LRP1B: variants seen among roughly 807,000 people sequenced by gnomAD.
LRP1B encodes the protein low-density lipoprotein receptor-related protein 1B.
A neutral mutation model predicts 556.6 loss-of-function variants in LRP1B; 217 were observed. The observed-to-expected ratio is 0.39, with a 90% CI of 0.35 to 0.44. LRP1B has a LOEUF of 0.44. LRP1B is among the 20% of genes least tolerant of loss of function. LRP1B has a pLI of 1.00. For synonymous variants in LRP1B, 2,047 were observed against 1,865.8 expected (o/e 1.10, Z -2.50); for missense variants, 5,053 against 5,620.8 (o/e 0.90, Z 3.23).
intron 47 of LRP1B, 69 bp downstream of exon 47, chr2:140,533,952 C>T (rs533941581): frequency 4.5e-6 from 7 of 1,566,188 alleles, no homozygotes; most frequent in East Asian, 2.3e-5. Context: ...CTCTCAGAAA[C>T]GAATGTTGGA....
In LRP1B at chr2:140,532,938, A is replaced by ATCTATATCTATATCTATATCTATATC. The variant is rs1558948713; in HGVS notation, c.7762+1082_7762+1083insGATATAGATATAGATATAGATATAGA. On this transcript the variant is annotated intron_variant, in intron 47 of 90. Transcript: ENST00000389484. ...TGCAATCACAGCACAAGATATATAT[A>ATCTATATCTATATCTATATCTATATC]TATATATATACACATATATATCTCG... is the stretch of plus-strand genomic sequence containing the variant. 2.3e-4 allele frequency among the ~76,000 whole-genome samples: 26 copies of ATCTATATCTATATCTATATCTATATC among 113,778 alleles called. 1 individual carries two copies. Among genetic ancestry groups the ATCTATATCTATATCTATATCTATATC allele is most frequent in the Non-Finnish European group, 3.6e-4 (18 of 50,180 alleles). The allele number at this position is 113,778 out of a possible 152,430, so 74.6% of individuals were successfully genotyped here.
At chr2:140,449,184 T>A (rs1030571136) in intron 63 of LRP1B, among the ~76,000 whole-genome samples, 1 of 152,120 alleles carries the variant, frequency 6.6e-6, no homozygotes, top group Non-Finnish European at 1.5e-5. Flanking sequence ...ACAAGAAAGA[T>A]CATCTTCTTA....
intron 35 of LRP1B, 78 bp from the exon 36 acceptor site, chr2:140,716,894 C>T: frequency 4.3e-6 from 3 of 694,668 alleles, no homozygotes; most frequent in Non-Finnish European, 6.7e-6. Context: ...GATCATATTG[C>T]AACAGTATCT....
At chr2:141,656,249 C>T (rs562216404) in intron 2 of LRP1B, among the ~76,000 whole-genome samples, 6 of 152,216 alleles carry the variant, frequency 3.9e-5, no homozygotes, top group Non-Finnish European at 7.4e-5. Flanking sequence ...TACAATAATG[C>T]CACTCAGATA....
chr2:141,094,667 T>C (rs893734825), intron 7 of LRP1B, among the ~76,000 whole-genome samples: 1 of 152,200 alleles, frequency 6.6e-6, no homozygotes, highest in Admixed American at 6.5e-5. Flanking sequence ...ATTGCTAAAT[T>C]ATGCATCACA....
intron 66 of LRP1B, among the ~76,000 whole-genome samples, chr2:140,436,421 C>T (rs1471044161): frequency 2.6e-5 from 4 of 151,994 alleles, no homozygotes; most frequent in Non-Finnish European, 5.9e-5. Context: ...CAACAGACAC[C>T]AGTCACACAT....
intron 31 of LRP1B, among the ~76,000 whole-genome samples, chr2:140,818,936 CAAAAAAAAA>C (rs543167243): frequency 1.7e-4 from 17 of 102,900 alleles, no homozygotes; most frequent in African/African-American, 5.6e-4. Context: ...GACTCTGTCT[CAAAAAAAAA>C]AAAAAAAAAA....
chr2:141,255,959 A>G (rs1467091093), intron 3 of LRP1B, among the ~76,000 whole-genome samples: 4 of 152,000 alleles, frequency 2.6e-5, no homozygotes, highest in African/African-American at 9.7e-5. Context: ...TATTGAGCAC[A>G]TAGTCAATGC....
At chr2:141,546,588 A>G (rs981592945) in intron 2 of LRP1B, among the ~76,000 whole-genome samples, 1 of 152,176 alleles carries the variant, frequency 6.6e-6, no homozygotes, top group Non-Finnish European at 1.5e-5. Context: ...CTAAACACGT[A>G]TTGAGTACCA....
At chr2:141,696,111 T>G (rs949042748) in intron 2 of LRP1B, among the ~76,000 whole-genome samples, 2 of 151,976 alleles carry the variant, frequency 1.3e-5, no homozygotes, top group African/African-American at 2.4e-5. Flanking sequence ...TGCAAGAGTG[T>G]TCTAGATACA....
intron 1 of LRP1B, among the ~76,000 whole-genome samples, chr2:142,015,736 G>A (rs1383064448): frequency 6.6e-6 from 1 of 152,020 alleles, no homozygotes; most frequent in Non-Finnish European, 1.5e-5. Context: ...GCTCACGTCT[G>A]TAATCCCAGC....
intron 2 of LRP1B, among the ~76,000 whole-genome samples, chr2:141,641,415 T>A (rs1013088782): frequency 6.6e-6 from 1 of 152,202 alleles, no homozygotes; most frequent in Non-Finnish European, 1.5e-5. Context: ...TTAAAAAAAA[T>A]TAAACACTAT....
intron 12 of LRP1B, 21 bp from the exon 13 acceptor site, chr2:141,015,936 CA>C: frequency 6.4e-7 from 1 of 1,567,978 alleles, no homozygotes; most frequent in Non-Finnish European, 8.8e-7. Context: ...AAAAAAACAA[CA>C]AAAATGCATA....
chr2:140,874,398 A>G (rs895948981), intron 25 of LRP1B, among the ~76,000 whole-genome samples: 5 of 152,036 alleles, frequency 3.3e-5, no homozygotes, highest in African/African-American at 1.2e-4. Context: ...AGCTCATATA[A>G]GTTTTTTTCA....
At chr2:141,137,642 A>G (rs11694803) in intron 7 of LRP1B, among the ~76,000 whole-genome samples, 11,898 of 151,970 alleles carry the variant, frequency 0.078, 614 homozygotes, top group Middle Eastern at 0.19. Context: ...AATAAAGCTG[A>G]GGGAAAAGGC....
At chr2:141,546,698 A>G (rs1685565966) in intron 2 of LRP1B, among the ~76,000 whole-genome samples, 1 of 152,182 alleles carries the variant, frequency 6.6e-6, no homozygotes, top group Non-Finnish European at 1.5e-5. Flanking sequence ...ACTTTTGAAA[A>G]TGAGCATTGA....
intron 86 of LRP1B, 23 bp downstream of exon 86, chr2:140,270,219 C>A (rs966595641): frequency 5.8e-6 from 9 of 1,544,856 alleles, no homozygotes; most frequent in Non-Finnish European, 8.0e-6. Flanking sequence ...TATAAGATGC[C>A]CATGACTTGA....
chr2:140,907,914 C>G lies in LRP1B; in HGVS notation c.3483G>C (p.Lys1161Asn), dbSNP rs182097169. The G allele has an allele frequency of 1.9e-5, 31 of 1,613,516 alleles. No individual in the cohort carries two copies. The East Asian group carries it at 6.7e-4, about 35-fold the overall frequency. ...LQPEKLCNGK[K>N]DCPDGSDEGY... is the part of the protein sequence containing the mutation. ...CTTCATCAGAGCCATCAGGACAATCCTTTTTCCCATTGCAGAGTTTCTCTG... is the reference window on the plus strand; with the variant it reads ...CTTCATCAGAGCCATCAGGACAATCGTTTTTCCCATTGCAGAGTTTCTCTG... Residue 1161 changes from lysine (K) to asparagine (N), a missense_variant, in exon 22 of 91, where the codon AAG (lysine) becomes AAC (asparagine). Around this residue, in one of 5 missense-constraint regions of LRP1B, gnomAD observed 3,619 missense variants for 3,931.9 expected, o/e 0.92. Coordinates refer to ENST00000389484, the MANE Select transcript of LRP1B (RefSeq NM_018557.3).
At chr2:140,672,888 G>A (rs1685538382) in intron 41 of LRP1B, among the ~76,000 whole-genome samples, 1 of 152,156 alleles carries the variant, frequency 6.6e-6, no homozygotes, top group Non-Finnish European at 1.5e-5. Context: ...TTTAGCTTCT[G>A]CAGAAATGGA....
Sources: allele counts gnomAD v4.1 joint callset (sites outside exome capture counted in the v4.1 genomes callset), GRCh38; gene constraint gnomAD v4.1.1; regional missense constraint gnomAD v4.1.1; transcripts MANE v1.5; gene names NCBI Gene and HGNC (gene_info 2026-07-23, HGNC 2026-07-21).